The following SPAG6 variants were observed in gnomAD, a reference collection of about 807,000 sequenced individuals.
SPAG6 encodes the protein sperm-associated antigen 6.
Under a neutral mutation model 58.5 loss-of-function variants are expected in SPAG6, and 49 were observed. The observed-to-expected ratio is 0.84, with a 90% CI of 0.67 to 1.06. The LOEUF is 1.06. SPAG6 is among the 50% of genes least tolerant of loss of function. The pLI is 0.00. For synonymous variants in SPAG6, 233 were observed against 225.6 expected (o/e 1.03, Z -0.29); for missense variants, 560 against 611.3 (o/e 0.92, Z 0.89).
At chr10:22,415,962 T>C (rs530505506) in intron 10 of SPAG6, among the ~76,000 whole-genome samples, 79 of 152,282 alleles carry the variant, frequency 5.2e-4, no homozygotes, top group African/African-American at 1.8e-3. Flanking sequence ...TACTAAATCT[T>C]GTATAAAATG....
In SPAG6 at chr10:22,386,801, CTCT is replaced by C; in HGVS notation, c.521_523del (p.Leu174_Cys175delinsArg). 6.2e-7 allele frequency: 1 copy of C among 1,613,568 alleles called. No homozygotes were observed. Among genetic ancestry groups the C allele is most frequent in the Non-Finnish European group, 8.5e-7 (1 of 1,179,594 alleles). ...TGCAGGAGCTGTTCCTCTTTTAGTA[CTCT>C]GTATCCAGGAGCCAGAAATTGCTTT... is the stretch of plus-strand genomic sequence containing the variant. On this transcript the variant is annotated inframe_deletion, in exon 5 of 11. Transcript: ENST00000376624.
At chr10:22,380,479 T>C (rs1358283941) in intron 4 of SPAG6, among the ~76,000 whole-genome samples, 1 of 152,036 alleles carries the variant, frequency 6.6e-6, no homozygotes, top group Admixed American at 6.5e-5. Context: ...TGTGTTTTTT[T>C]TGTTTTTTGT....
intron 4 of SPAG6, among the ~76,000 whole-genome samples, chr10:22,379,219 T>A (rs1255263211): frequency 6.6e-6 from 1 of 152,218 alleles, no homozygotes; most frequent in African/African-American, 2.4e-5. Context: ...GAATGATAGC[T>A]CTAGTGAGTC....
At position 22,372,698 on chromosome 10, in the gene SPAG6, G is replaced by A. The variant is rs187524814; in HGVS notation, c.472+4020G>A. Among the ~76,000 whole-genome samples, 74 of 151,744 alleles carry A rather than the reference G, an allele frequency of 4.9e-4. 1 individual carries two copies. The East Asian group carries it at 0.012, about 24-fold the overall frequency. ...CTGCAAGTGTGCGGAAGTGTTTTGT[G>A]TGAATAGTCTTCCACATTTGGGCTC... On this transcript the variant is annotated intron_variant, in intron 4 of 10. Transcript: ENST00000376624.
intron 7 of SPAG6, among the ~76,000 whole-genome samples, 193 bp from the exon 8 acceptor site, chr10:22,391,536 A>T (rs1240675783): frequency 2.6e-5 from 4 of 152,214 alleles, no homozygotes; most frequent in Non-Finnish European, 4.4e-5. Context: ...CGTTACCGAT[A>T]ATTAAGGTAA....
At chr10:22,407,503 A>T (rs949347704) in intron 9 of SPAG6, among the ~76,000 whole-genome samples, 12 of 151,940 alleles carry the variant, frequency 7.9e-5, no homozygotes, top group Admixed American at 7.9e-4. Context: ...CTGCCGAGAG[A>T]TCAGCTGTTA....
rs753354535 is a variant in SPAG6, at chr10:22,368,529, G to C, written c.323G>C (p.Arg108Pro). ...FYKKAAAFVL[R>P]AVGKHSPQLA... The stretch of plus-strand genomic sequence containing the variant: ...AAGAAAGCAGCTGCCTTTGTGTTAC[G>C]AGCAGTTGGTAAACATTCTCCCCAG... Residue 108 changes from arginine (R) to proline (P), a missense_variant, in exon 4 of 11, where the codon CGA becomes CCA. Arg to Pro is a moderately radical substitution (Grantham distance 103). Coordinates refer to ENST00000376624, the MANE Select transcript of SPAG6 (RefSeq NM_012443.4). The C allele has an allele frequency of 1.2e-6, 2 of 1,613,828 alleles. No individual in the cohort carries two copies. The highest frequency in any genetic ancestry group is 1.7e-5 in the Admixed American group (1 of 60,004).
intron 4 of SPAG6, among the ~76,000 whole-genome samples, chr10:22,381,301 G>A (rs1833950220): frequency 6.6e-6 from 1 of 151,028 alleles, no homozygotes; most frequent in Admixed American, 6.6e-5. Flanking sequence ...GTTTTATTTG[G>A]CCAGCACTAT....
At chr10:22,411,881 C>G (rs1283517648) in intron 10 of SPAG6, among the ~76,000 whole-genome samples, 1 of 110,850 alleles carries the variant, frequency 9.0e-6, no homozygotes, top group East Asian at 2.9e-4. Context: ...CAGAGTCTTG[C>G]TCTGTCGTCC....
In SPAG6 at chr10:22,345,947, T is replaced by TA; in HGVS notation, c.121+129_121+130insA. ...GACCGGAGTTCGCAAAAGCATCCAT[T>TA]CTTTTCAGCGGGTCTTTGGGGGTCA... On this transcript the variant is annotated intron_variant, in intron 2 of 10. Transcript: ENST00000376624. This position sits in a 1 kb window ranked among gnomAD's most constrained non-coding sequence, Gnocchi z 6.3. The TA allele has an allele frequency of 6.4e-7, 1 of 1,557,698 alleles. No homozygotes were observed. Among genetic ancestry groups the TA allele is most frequent in the Non-Finnish European group, 8.7e-7 (1 of 1,151,158 alleles).
chr10:22,405,396 A>C (rs1372174029), intron 9 of SPAG6, among the ~76,000 whole-genome samples: 5 of 151,876 alleles, frequency 3.3e-5, no homozygotes, highest in African/African-American at 1.2e-4. Flanking sequence ...TGAGATAATC[A>C]TGTGGTTTTT....
intron 3 of SPAG6, among the ~76,000 whole-genome samples, chr10:22,366,047 A>G (rs563637481): frequency 6.6e-6 from 1 of 152,342 alleles, no homozygotes; most frequent in Admixed American, 6.5e-5. Context: ...CACGTGACTC[A>G]GCAATTCTAT....
intron 9 of SPAG6, among the ~76,000 whole-genome samples, chr10:22,401,763 A>G (rs2130617586): frequency 6.6e-6 from 1 of 152,318 alleles, no homozygotes; most frequent in Middle Eastern, 3.4e-3. Context: ...CATATTTCTT[A>G]GATTGTTGCA....
chr10:22,384,899 TG>T (rs552401472), intron 4 of SPAG6, among the ~76,000 whole-genome samples: 104 of 152,350 alleles, frequency 6.8e-4, no homozygotes, highest in Admixed American at 1.8e-3. Context: ...AGATAATAGA[TG>T]TTTTTTTAAA....
At chr10:22,393,061 CT>C (rs1834217750) in intron 8 of SPAG6, among the ~76,000 whole-genome samples, 1 of 152,028 alleles carries the variant, frequency 6.6e-6, no homozygotes, top group African/African-American at 2.4e-5. Flanking sequence ...AATGTAAGGT[CT>C]TTTCTAGTTT....
chr10:22,405,415 T>C (rs1330587662), intron 9 of SPAG6, among the ~76,000 whole-genome samples: 3 of 151,600 alleles, frequency 2.0e-5, no homozygotes, highest in Admixed American at 1.3e-4. Flanking sequence ...TTGTCTTTGG[T>C]TCTGTTTATA....
intron 8 of SPAG6, among the ~76,000 whole-genome samples, chr10:22,400,836 C>G (rs1422004880): frequency 6.6e-6 from 1 of 152,040 alleles, no homozygotes; most frequent in African/African-American, 2.4e-5. Flanking sequence ...TTCCTGTATA[C>G]AAATTTTTAC....
chr10:22,348,980 G>A (rs1035030547), intron 2 of SPAG6, among the ~76,000 whole-genome samples: 35 of 151,892 alleles, frequency 2.3e-4, no homozygotes, highest in African/African-American at 7.7e-4. Context: ...TTATAGGTGC[G>A]TACCACCACA....
chr10:22,367,784 AT>A (rs1837238543), intron 3 of SPAG6, among the ~76,000 whole-genome samples: 1 of 152,180 alleles, frequency 6.6e-6, no homozygotes, highest in Non-Finnish European at 1.5e-5. Context: ...GAAACAATGC[AT>A]CTATAGGAAA....
Sources: allele counts gnomAD v4.1 joint callset (sites outside exome capture counted in the v4.1 genomes callset), GRCh38; gene constraint gnomAD v4.1.1; non-coding constraint Gnocchi (gnomAD v3.1); transcripts MANE v1.5; gene names NCBI Gene and HGNC (gene_info 2026-07-23, HGNC 2026-07-21).